GRIN2B: variants seen among roughly 807,000 people sequenced by gnomAD.
GRIN2B encodes glutamate ionotropic receptor NMDA type subunit 2B.
In GRIN2B, 5 loss-of-function variants were observed where a neutral mutation model predicts 114.5. The ratio of observed to expected loss-of-function variants is 0.04; its 90% CI spans 0.02 to 0.09. GRIN2B has a LOEUF of 0.09. Ranked by LOEUF, GRIN2B falls within the 10% of genes least tolerant of loss-of-function variation. The probability of loss-of-function intolerance (pLI) is 1.00; values close to 1 mark genes in which losing one functional copy is unlikely to be tolerated. For missense variants in GRIN2B, 1,108 were observed against 1,943.5 expected (o/e 0.57, Z 8.08); for synonymous variants, 787 against 745.1 (o/e 1.06, Z -0.92).
chr12:13,615,362 G>A lies in GRIN2B; in HGVS notation c.1501-95C>T, dbSNP rs1488166732. The A allele has an allele frequency of 6.9e-7, 1 of 1,440,146 alleles. No homozygotes were observed. Among genetic ancestry groups the A allele is most frequent in the Non-Finnish European group, 9.8e-7 (1 of 1,021,874 alleles). The allele number at this position is 1,440,146 out of a possible 1,614,324, so 89.2% of individuals were successfully genotyped here. On this transcript the variant is annotated intron_variant, in intron 7 of 13. Transcript: ENST00000609686. This position sits in a 1 kb window ranked among gnomAD's most constrained non-coding sequence, Gnocchi z 5.8. ...GCCTATCAGTGGTTTTCTTTGTATA[G>A]TGGGAACAATACATCTTATTTGCCA...
chr12:13,872,481 TAA>T (rs1311162393), intron 2 of GRIN2B, among the ~76,000 whole-genome samples: 2 of 151,052 alleles, frequency 1.3e-5, no homozygotes, highest in African/African-American at 4.9e-5. Context: ...TAGTGCTAAC[TAA>T]AACACAGTAT....
chr12:13,872,880 C>G (rs1865933532), intron 2 of GRIN2B, among the ~76,000 whole-genome samples: 1 of 152,070 alleles, frequency 6.6e-6, no homozygotes, highest in Non-Finnish European at 1.5e-5. Context: ...AACAATGTAA[C>G]CATATACCAC....
intron 3 of GRIN2B, among the ~76,000 whole-genome samples, chr12:13,782,333 A>G (rs1041613644): frequency 6.6e-6 from 1 of 152,046 alleles, no homozygotes; most frequent in Non-Finnish European, 1.5e-5. Flanking sequence ...CTCTCTTTAT[A>G]TATATATCTC....
At chr12:13,704,442 G>A (rs1565506897) in intron 4 of GRIN2B, among the ~76,000 whole-genome samples, 2 of 152,118 alleles carry the variant, frequency 1.3e-5, no homozygotes, top group Non-Finnish European at 2.9e-5. Context: ...ACCAAATCCT[G>A]ACACACCAAC....
chr12:13,635,299 C>A (rs557798121), intron 5 of GRIN2B, among the ~76,000 whole-genome samples: 4 of 152,142 alleles, frequency 2.6e-5, no homozygotes, highest in African/African-American at 4.8e-5. Context: ...GGAGAGGGGG[C>A]CTTTTGATGT....
At chr12:13,665,853 T>C (rs546161371) in intron 5 of GRIN2B, among the ~76,000 whole-genome samples, 304 of 152,292 alleles carry the variant, frequency 2.0e-3, no homozygotes, top group African/African-American at 7.0e-3. Context: ...GAAAATGGAA[T>C]TTTGTGTTCA....
chr12:13,833,457 A>C (rs1865190442), intron 3 of GRIN2B, among the ~76,000 whole-genome samples: 2 of 152,066 alleles, frequency 1.3e-5, no homozygotes, highest in African/African-American at 2.4e-5. Context: ...CTGATTCCCA[A>C]GTCTGGTTCT....
intron 3 of GRIN2B, among the ~76,000 whole-genome samples, chr12:13,808,395 A>G (rs1864652595): frequency 6.6e-6 from 1 of 152,116 alleles, no homozygotes; most frequent in Admixed American, 6.6e-5. Context: ...AGAGCAATGG[A>G]GCAACTCAGG....
At chr12:13,601,073 GA>G (rs1949151357) in intron 10 of GRIN2B, among the ~76,000 whole-genome samples, 1 of 152,188 alleles carries the variant, frequency 6.6e-6, no homozygotes, top group South Asian at 2.1e-4. Context: ...TGCAAATCGG[GA>G]CAAAGAGGAG....
At chr12:13,790,968 C>A (rs752580306) in intron 3 of GRIN2B, among the ~76,000 whole-genome samples, 80 of 152,242 alleles carry the variant, frequency 5.3e-4, no homozygotes, top group Admixed American at 9.2e-4. Context: ...TCCCTGCAGA[C>A]ACAGAACTAG....
chr12:13,859,930 A>G (rs1034656982), intron 3 of GRIN2B, among the ~76,000 whole-genome samples: 1 of 152,222 alleles, frequency 6.6e-6, no homozygotes, highest in African/African-American at 2.4e-5. Flanking sequence ...GTTTTCTCCC[A>G]AAGTATTCTG....
At chr12:13,864,702 G>C (rs1865798054) in intron 3 of GRIN2B, among the ~76,000 whole-genome samples, 1 of 152,128 alleles carries the variant, frequency 6.6e-6, no homozygotes, top group Non-Finnish European at 1.5e-5. Context: ...CTGCAGTTAG[G>C]GAATAAGCCC....
At chr12:13,737,075 A>G (rs1293112669) in intron 4 of GRIN2B, among the ~76,000 whole-genome samples, 1 of 151,846 alleles carries the variant, frequency 6.6e-6, no homozygotes, top group African/African-American at 2.4e-5. Context: ...GCAACATACA[A>G]TATAATAAAT....
In GRIN2B at chr12:13,651,083, A is replaced by G. The variant is rs115716659; in HGVS notation, c.1125+24662T>C. Among the ~76,000 whole-genome samples, 282 of 152,240 alleles carry G rather than the reference A, an allele frequency of 1.9e-3. 3 individuals carry two copies. The highest frequency in any genetic ancestry group is 6.5e-3 in the African/African-American group (269 of 41,554). On this transcript the variant is annotated intron_variant, in intron 5 of 13. Transcript: ENST00000609686. ...TTCCACTAAATGAGAGGGAAGTCCA[A>G]TTTGAAGCATACCTGCCAGTGCTAG...
At chr12:13,981,848 T>C (rs1863144574), upstream of GRIN2B, 1 of 152,856 alleles carries the variant, frequency 6.5e-6, no homozygotes, top group Non-Finnish European at 1.5e-5. Context: ...GGTTGCCTGG[T>C]CTGGATTTGG....
At position 13,691,148 on chromosome 12, in the gene GRIN2B, C is replaced by G. The variant is rs114732586; in HGVS notation, c.1011-15289G>C. Among the ~76,000 whole-genome samples, 354 of 152,294 alleles carry G rather than the reference C, an allele frequency of 2.3e-3. 2 individuals carry two copies. Among genetic ancestry groups the G allele is most frequent in the African/African-American group, 8.3e-3 (347 of 41,570 alleles). ...TTCTCACTCCTTCCCACTCCTCACT[C>G]CCTACACACATCACAGCAAGGTGAG... On this transcript the variant is annotated intron_variant, in intron 4 of 13. Transcript: ENST00000609686.
intron 2 of GRIN2B, among the ~76,000 whole-genome samples, chr12:13,930,433 T>C (rs1867006435): frequency 6.6e-6 from 1 of 152,036 alleles, no homozygotes; most frequent in Admixed American, 6.6e-5. Flanking sequence ...GGGGAATGCA[T>C]CTTAGAAGGA....
At chr12:13,932,463 C>T (rs1466625864) in intron 2 of GRIN2B, among the ~76,000 whole-genome samples, 1 of 152,184 alleles carries the variant, frequency 6.6e-6, no homozygotes, top group East Asian at 1.9e-4. Context: ...CACTACATTC[C>T]CAGTGGCTAC....
At chr12:13,607,288 TTA>T (rs1302029008) in intron 10 of GRIN2B, among the ~76,000 whole-genome samples, 17 of 14,566 alleles carry the variant, frequency 1.2e-3, no homozygotes, top group Non-Finnish European at 1.1e-3. Context: ...ATAATATATA[TTA>T]TATAAAAATA....
Sources: allele counts gnomAD v4.1 joint callset (sites outside exome capture counted in the v4.1 genomes callset), GRCh38; gene constraint gnomAD v4.1.1; non-coding constraint Gnocchi (gnomAD v3.1); transcripts MANE v1.5; gene names NCBI Gene and HGNC (gene_info 2026-07-23, HGNC 2026-07-21).